The following EXO1 variants were observed in gnomAD, a reference collection of about 807,000 sequenced individuals.
The protein encoded by EXO1 is exonuclease 1.
EXO1 carries 69 observed loss-of-function variants against 84.5 expected under a neutral mutation model. The ratio of observed to expected loss-of-function variants is 0.82; its 90% CI spans 0.67 to 1.00. The LOEUF (loss-of-function observed/expected upper bound fraction) is 1.00. Among genes scored for constraint, EXO1 ranks in the 50% least tolerant of loss-of-function variants. The pLI, the probability that EXO1 is intolerant of heterozygous loss-of-function variation, is 0.00. For missense variants in EXO1, 1,045 were observed against 1,000.7 expected, an observed-to-expected ratio of 1.04 and a Z score of -0.60; for synonymous variants, 373 against 366.1, an observed-to-expected ratio of 1.02 and a Z score of -0.21.
At chr1:241,864,706 A>G (rs1232035912) in intron 10 of EXO1, among the ~76,000 whole-genome samples, 1 of 152,054 alleles carries the variant, frequency 6.6e-6, no homozygotes, top group Non-Finnish European at 1.5e-5. Context: ...AATTTCTTCC[A>G]TCTATGTTCT....
At chr1:241,869,957 G>A (rs958243500) in intron 11 of EXO1, among the ~76,000 whole-genome samples, 4 of 152,096 alleles carry the variant, frequency 2.6e-5, no homozygotes, top group South Asian at 2.1e-4. Flanking sequence ...GGATACAGGC[G>A]TCCACTACCA....
chr1:241,861,933 GTTTTCTTTTAT>G lies in EXO1; in HGVS notation c.1041+441_1041+451del, dbSNP rs1268749999. On this transcript the variant is annotated intron_variant, in intron 10 of 15. Transcript: ENST00000366548. ...CTGCTGTTTCTTTAAACAATTTGCT[GTTTTCTTTTAT>G]TTTTCTTTTTTGAGACAGAGTTTCA... is the stretch of plus-strand genomic sequence containing the variant. Among the ~76,000 whole-genome samples the G allele has an allele frequency of 1.7e-4, 14 of 83,804 alleles. No individual in the cohort carries two copies. In the East Asian group the frequency reaches 3.9e-3, roughly 23 times the overall value. 55.0% of individuals were successfully genotyped at this position (83,804 alleles called of 152,430 possible). A position where few individuals can be genotyped will look rare whatever the true frequency, so the allele number is the denominator to read the frequency against.
At position 241,867,136 on chromosome 1, in the gene EXO1, ATTTTCTCCTG is replaced by A. The variant is rs4149946; in HGVS notation, c.1267+91_1267+100del. 4,671 of 1,037,258 alleles carry A rather than the reference ATTTTCTCCTG, an allele frequency of 4.5e-3. 31 individuals are homozygous for A. Among genetic ancestry groups the A allele is most frequent in the Middle Eastern group, 0.016 (80 of 4,946 alleles). The allele number at this position is 1,037,258 out of a possible 1,614,324, so 64.3% of individuals were successfully genotyped here. On this transcript the variant is annotated intron_variant, in intron 11 of 15. Transcript: ENST00000366548. The stretch of plus-strand genomic sequence containing the variant: ...CATTGCCCAACGCAAAGTCGCGAAG[ATTTTCTCCTG>A]TTTTCTCCTAGAAGTTTTATAGTTG...
At chr1:241,864,309 G>A (rs1349060216) in intron 10 of EXO1, among the ~76,000 whole-genome samples, 1 of 152,206 alleles carries the variant, frequency 6.6e-6, no homozygotes, top group Non-Finnish European at 1.5e-5. Flanking sequence ...AACTTTGGCT[G>A]TCTGTATTTT....
intron 14 of EXO1, among the ~76,000 whole-genome samples, chr1:241,883,342 G>A (rs1574186255): frequency 6.6e-6 from 1 of 152,308 alleles, no homozygotes; most frequent in East Asian, 1.9e-4. Flanking sequence ...TAGAGGCTGG[G>A]AAGTCCAAGG....
At chr1:241,858,425 A>G (rs1661186028) in intron 7 of EXO1, 81 bp from the exon 8 acceptor site, 5 of 858,364 alleles carry the variant, frequency 5.8e-6, no homozygotes, top group African/African-American at 1.7e-5. Context: ...AACAAGAAAG[A>G]TTTCTTAAAA....
chr1:241,856,255 CTTTTTTTCTTTTTTTTT>C (rs1474611032), intron 6 of EXO1, among the ~76,000 whole-genome samples: 1 of 117,814 alleles, frequency 8.5e-6, no homozygotes, highest in Admixed American at 8.5e-5. Flanking sequence ...CTCTTTTTTT[CTTTTTTTCTTTTTTTTT>C]TTTTAACTTC....
At chr1:241,857,100 T>G (rs1406191929) in intron 6 of EXO1, among the ~76,000 whole-genome samples, 1 of 152,214 alleles carries the variant, frequency 6.6e-6, no homozygotes, top group Non-Finnish European at 1.5e-5. Context: ...CCTCTGGCTG[T>G]GTAGCAGTAT....
At chr1:241,859,342 C>G (rs552500261) in intron 8 of EXO1, among the ~76,000 whole-genome samples, 1 of 152,220 alleles carries the variant, frequency 6.6e-6, no homozygotes, top group African/African-American at 2.4e-5. Context: ...AGTTGAACAT[C>G]CCTAATCCAA....
At position 241,858,529 on chromosome 1, in the gene EXO1, T is replaced by G. The variant is rs930225603; in HGVS notation, c.567T>G (p.Phe189Leu). ...AGGTAATTTTAAAGATGGACCAGTT[T>G]GGAAATGGACTTGAAATTGATCAAG... The part of the protein sequence containing the change: ...CKKVILKMDQ[F>L]GNGLEIDQAR... The change falls in exon 8 of 16, where the codon TTT becomes TTG. Residue 189 changes from phenylalanine to leucine, a missense_variant. Transcript: ENST00000366548. 3.1e-6 allele frequency: 5 copies of G among 1,613,904 alleles called. No individual in the cohort carries two copies. The highest frequency in any genetic ancestry group is 1.7e-5 in the Admixed American group (1 of 60,010).
At chr1:241,875,108 A>G (rs999499586) in intron 12 of EXO1, among the ~76,000 whole-genome samples, 7 of 152,054 alleles carry the variant, frequency 4.6e-5, no homozygotes, top group African/African-American at 1.7e-4. Flanking sequence ...GGTTCAAGTG[A>G]TTCTCCTGCC....
At chr1:241,851,337 A>G (rs1558120042) in intron 4 of EXO1, among the ~76,000 whole-genome samples, 1 of 152,324 alleles carries the variant, frequency 6.6e-6, no homozygotes, top group African/African-American at 2.4e-5. Flanking sequence ...TTCCATACCA[A>G]TGCAAGTTCA....
chr1:241,878,976 C>G lies in EXO1; in HGVS notation c.1742C>G (p.Thr581Arg). 1 of 1,614,022 alleles carries G rather than the reference C, an allele frequency of 6.2e-7. No homozygotes were observed. The highest frequency in any genetic ancestry group is 8.5e-7 in the Non-Finnish European group (1 of 1,179,888). The part of the protein sequence containing the change: ...DHIPDKATVF[T>R]DEESYSFESS... ...ATTCCAGACAAGGCAACAGTGTTTA[C>G]AGATGAAGAGTCCTACTCTTTTGAG... Residue 581 changes from threonine (T) to arginine (R), a missense_variant, in exon 13 of 16, where the codon ACA becomes AGA. Coordinates refer to ENST00000366548, the MANE Select transcript of EXO1 (RefSeq NM_130398.4).
Position 241,848,702 on chromosome 1 carries a change from C to G in EXO1, c.-419-29C>G, listed in dbSNP as rs1305823559. The G allele has an allele frequency of 6.6e-6, 1 of 152,166 alleles. No individual in the cohort carries two copies. The highest frequency in any genetic ancestry group is 1.5e-5 in the Non-Finnish European group (1 of 68,036). 9.4% of individuals were successfully genotyped at this position (152,166 alleles called of 1,614,324 possible). A position where few individuals can be genotyped will look rare whatever the true frequency, so the allele number is the denominator to read the frequency against. ...CAATCTCTCCACCTTTAAATGTTGA[C>G]AAGTACATTTTCCCATAATATTTTG... On this transcript the variant is annotated intron_variant, in intron 1 of 15. Coordinates refer to ENST00000366548, the MANE Select transcript of EXO1 (RefSeq NM_130398.4). The surrounding 1 kb of genome is among the most constrained non-coding windows in gnomAD (Gnocchi z 4.2).
chr1:241,855,205 G>A lies in EXO1; in HGVS notation c.405+1724G>A, dbSNP rs149431640. Among the ~76,000 whole-genome samples the A allele has an allele frequency of 3.6e-3, 553 of 152,278 alleles. 5 individuals are homozygous for A. Among genetic ancestry groups the A allele is most frequent in the African/African-American group, 0.012 (518 of 41,546 alleles). On this transcript the variant is annotated intron_variant, in intron 6 of 15. Coordinates refer to ENST00000366548, the MANE Select transcript of EXO1 (RefSeq NM_130398.4). ...CCACATCCTGCTGATTGGTAGAACC[G>A]AGTGGTCTGTTTTGACAGGGTGCTG...
At chr1:241,879,733 G>A (rs909369713) in intron 13 of EXO1, among the ~76,000 whole-genome samples, 3 of 152,160 alleles carry the variant, frequency 2.0e-5, no homozygotes, top group Non-Finnish European at 2.9e-5. Flanking sequence ...GGCCAGGTGC[G>A]ATGGCTCATG....
chr1:241,853,281 T>C, intron 5 of EXO1, 77 bp from the exon 6 acceptor site: 1 of 1,521,586 alleles, frequency 6.6e-7, no homozygotes, highest in South Asian at 1.1e-5. Context: ...GAAAGCTTCT[T>C]GAATTACAGT....
intron 15 of EXO1, among the ~76,000 whole-genome samples, chr1:241,886,075 A>G (rs1039084590): frequency 4.6e-5 from 7 of 151,482 alleles, no homozygotes; most frequent in African/African-American, 1.7e-4. Context: ...CTAGTCTCGA[A>G]CTCCCAACCT....
intron 12 of EXO1, among the ~76,000 whole-genome samples, chr1:241,873,592 A>C (rs1161643421): frequency 1.3e-5 from 2 of 152,102 alleles, no homozygotes; most frequent in Non-Finnish European, 2.9e-5. Context: ...TGGAGCTGTA[A>C]TATTAATTGA....
Sources: allele counts gnomAD v4.1 joint callset (sites outside exome capture counted in the v4.1 genomes callset), GRCh38; gene constraint gnomAD v4.1.1; non-coding constraint Gnocchi (gnomAD v3.1); transcripts MANE v1.5; gene names NCBI Gene and HGNC (gene_info 2026-07-23, HGNC 2026-07-21).